TSPEAR: variants seen among roughly 807,000 people sequenced by gnomAD.
TSPEAR encodes the protein thrombospondin type laminin G domain and EAR repeats.
In TSPEAR, 69 loss-of-function variants were observed where a neutral mutation model predicts 71.6. That is an observed-to-expected ratio of 0.96 (90% CI 0.79 to 1.18). The LOEUF (loss-of-function observed/expected upper bound fraction) is 1.18. Ranked by LOEUF, TSPEAR falls within the 50% of genes most tolerant of loss-of-function variation. The pLI is 0.00. For synonymous variants in TSPEAR, 402 were observed against 387.2 expected (o/e 1.04, Z -0.45); for missense variants, 971 against 894.9 (o/e 1.09, Z -1.09).
chr21:44,680,072 A>C (rs150311173), intron 1 of TSPEAR, among the ~76,000 whole-genome samples: 1,722 of 152,360 alleles, frequency 0.011, 10 homozygotes, highest in Non-Finnish European at 0.02. Context: ...TGCACAGCAA[A>C]CGGAACAATC....
intron 2 of TSPEAR, among the ~76,000 whole-genome samples, chr21:44,563,025 G>A (rs587750264): frequency 9.5e-4 from 144 of 152,194 alleles, no homozygotes; most frequent in African/African-American, 3.3e-3. Context: ...AATATAAAAA[G>A]GTATATTTGG....
At position 44,681,915 on chromosome 21, in the gene TSPEAR, C is replaced by T. The variant is rs782578785; in HGVS notation, c.82+29518G>A. 2.5e-6 allele frequency: 4 copies of T among 1,614,112 alleles called. No individual in the cohort carries two copies. The highest frequency in any genetic ancestry group is 3.3e-4 in the Middle Eastern group (2 of 6,062). On this transcript the variant is annotated intron_variant, in intron 1 of 11. Transcript: ENST00000323084. ...AGGCTGGCAGCACCCAGAGGACTGG[C>T]AGGAGGGAGCCGCATACACGACGGG...
Position 44,506,858 on chromosome 21 carries a change from A to G in TSPEAR, c.1755-1977T>C, listed in dbSNP as rs1183751925. ...GTCCGGCTGCACCGAGGCTCACATC[A>G]GAAGCCGGCTTCGGTTTCACCACAA... On this transcript the variant is annotated intron_variant, in intron 10 of 11. Transcript: ENST00000323084. This position sits in a 1 kb window ranked among gnomAD's most constrained non-coding sequence, Gnocchi z 4.2. 1 of 152,188 alleles carries G rather than the reference A, an allele frequency of 6.6e-6. No individual in the cohort carries two copies. The highest frequency in any genetic ancestry group is 2.4e-5 in the African/African-American group (1 of 41,442). 9.4% of individuals were successfully genotyped at this position (152,188 alleles called of 1,614,324 possible).
chr21:44,702,376 G>A (rs1987693027), intron 1 of TSPEAR: 1 of 619,218 alleles, frequency 1.6e-6, no homozygotes, highest in Non-Finnish European at 2.2e-6. Flanking sequence ...CTGCCAGGCA[G>A]CCTGTGAGCC....
At position 44,591,637 on chromosome 21, in the gene TSPEAR, C is replaced by G. The variant is rs782406979; in HGVS notation, c.83-23632G>C. Reference sequence around the variant, plus strand: ...AGCCGGCTGGCAGCTAGACTGCTGGCAGCATGATGTGGAAGCCCCAGAGCA... The same window carrying G: ...AGCCGGCTGGCAGCTAGACTGCTGGGAGCATGATGTGGAAGCCCCAGAGCA... On this transcript the variant is annotated intron_variant, in intron 1 of 11. Coordinates refer to ENST00000323084, the MANE Select transcript of TSPEAR (RefSeq NM_144991.3). 1.4e-5 allele frequency: 22 copies of G among 1,613,528 alleles called. No homozygotes were observed. Among genetic ancestry groups the G allele is most frequent in the Non-Finnish European group, 1.9e-5 (22 of 1,179,820 alleles).
At chr21:44,514,314 C>T (rs587675747) in intron 9 of TSPEAR, among the ~76,000 whole-genome samples, 40 of 152,344 alleles carry the variant, frequency 2.6e-4, no homozygotes, top group African/African-American at 9.1e-4. Context: ...GTGGCCCCCA[C>T]TGTATCCTTG....
At chr21:44,583,262 G>A (rs587722826) in intron 1 of TSPEAR, among the ~76,000 whole-genome samples, 1 of 152,348 alleles carries the variant, frequency 6.6e-6, no homozygotes, top group South Asian at 2.1e-4. Context: ...AGTCTGGAGG[G>A]CAGGGTGGCC....
At chr21:44,707,312 T>C (rs1298813869) in intron 1 of TSPEAR, among the ~76,000 whole-genome samples, 1 of 100,492 alleles carries the variant, frequency 1.0e-5, no homozygotes, top group African/African-American at 3.8e-5. Context: ...TGGGGGGGGG[T>C]GCGGGGAGAG....
chr21:44,600,807 T>C lies in TSPEAR; in HGVS notation c.83-32802A>G, dbSNP rs1980778998. The C allele has an allele frequency of 3.4e-5, 54 of 1,599,452 alleles. 3 individuals carry two copies. Among genetic ancestry groups the C allele is most frequent in the Non-Finnish European group, 4.6e-5 (54 of 1,176,350 alleles). On this transcript the variant is annotated intron_variant, in intron 1 of 11. Transcript: ENST00000323084. ...GCCTGGTCTGCACCCCAGTGAGCTA[T>C]GTGTCCAGCCCCTGCTGCCGAGTGA...
At chr21:44,590,855 G>C (rs895744698) in intron 1 of TSPEAR, among the ~76,000 whole-genome samples, 3 of 151,988 alleles carry the variant, frequency 2.0e-5, no homozygotes, top group Non-Finnish European at 4.4e-5. Flanking sequence ...GGGGGGCCAT[G>C]TGCTGGGGTT....
At chr21:44,689,708 A>AATATATAT (rs1987028363) in intron 1 of TSPEAR, among the ~76,000 whole-genome samples, 1 of 38,488 alleles carries the variant, frequency 2.6e-5, no homozygotes, top group Non-Finnish European at 4.9e-5. Flanking sequence ...GACAGAATAG[A>AATATATAT]ATGAATATAT....
intron 1 of TSPEAR, among the ~76,000 whole-genome samples, chr21:44,577,013 G>A (rs1347219590): frequency 2.0e-5 from 3 of 152,112 alleles, no homozygotes; most frequent in Non-Finnish European, 2.9e-5. Context: ...CACATACTTG[G>A]AAATTAAATA....
Position 44,533,712 on chromosome 21 carries a change from G to C in TSPEAR, c.515C>G (p.Thr172Ser). ...GTCCACCGGGAGGCCGCAGTCCGTG[G>C]TGAGGGAGAAGACGCCTGCGGACAC... Reference protein sequence around the residue: ...LAVSAGVFSLTTDCGLPVDIM... With the variant: ...LAVSAGVFSLSTDCGLPVDIM... The change falls in exon 3 of 12, where the codon ACC (threonine) becomes AGC (serine). Residue 172 changes from threonine (T) to serine (S), a missense_variant. Physicochemically the swap from Thr to Ser is moderately conservative, Grantham distance 58 (BLOSUM62 1). Transcript: ENST00000323084. 6.2e-7 allele frequency: 1 copy of C among 1,611,032 alleles called. No homozygotes were observed. The highest frequency in any genetic ancestry group is 8.5e-7 in the Non-Finnish European group (1 of 1,178,970).
intron 1 of TSPEAR, among the ~76,000 whole-genome samples, chr21:44,614,306 G>A (rs587698448): frequency 1.2e-3 from 185 of 152,368 alleles, no homozygotes; most frequent in Non-Finnish European, 1.7e-3. Flanking sequence ...GGCCTGTGCC[G>A]TGCACTTTGC....
At chr21:44,589,584 G>A (rs1017625778) in intron 1 of TSPEAR, among the ~76,000 whole-genome samples, 2 of 152,202 alleles carry the variant, frequency 1.3e-5, no homozygotes, top group Non-Finnish European at 2.9e-5. Flanking sequence ...GCTTTCACTA[G>A]GAGTTGAAGC....
chr21:44,525,197 T>C (rs1175219836), intron 8 of TSPEAR, among the ~76,000 whole-genome samples: 2 of 151,854 alleles, frequency 1.3e-5, no homozygotes, highest in African/African-American at 4.8e-5. Context: ...CAGTCTGTGA[T>C]GTAGTTGGTC....
chr21:44,579,634 GA>G lies in TSPEAR; in HGVS notation c.83-11630del, dbSNP rs1471207247. The G allele has an allele frequency of 3.4e-5, 40 of 1,170,308 alleles. No homozygotes were observed. The East Asian group carries it at 5.3e-4, about 16-fold the overall frequency. The allele number at this position is 1,170,308 out of a possible 1,614,324, so 72.5% of individuals were successfully genotyped here. On this transcript the variant is annotated intron_variant, in intron 1 of 11. Transcript: ENST00000323084. ...GAGGATGGAGATTCCTGGGAGTATG[GA>G]GGGGGGGGTCACCTCAGCACATGGG... is the stretch of plus-strand genomic sequence containing the variant.
chr21:44,591,912 A>C lies in TSPEAR; in HGVS notation c.83-23907T>G, dbSNP rs781839055. The C allele has an allele frequency of 7.5e-6, 12 of 1,607,052 alleles. No individual in the cohort carries two copies. In the South Asian group the frequency reaches 1.3e-4, roughly 18 times the overall value. ...AGCCTGATTGGCAGGGGCTGGGCTC[A>C]CAGACCGCCTGGCAGCAGGGGCTGG... On this transcript the variant is annotated intron_variant, in intron 1 of 11. Coordinates refer to ENST00000323084, the MANE Select transcript of TSPEAR (RefSeq NM_144991.3).
At chr21:44,517,925 A>G (rs1440058210) in intron 9 of TSPEAR, 1 of 465,548 alleles carries the variant, frequency 2.1e-6, no homozygotes, top group Non-Finnish European at 4.5e-6. Context: ...TTCTCTGACA[A>G]TTCCATCACT....
Sources: gnomAD v4.1 joint callset for allele counts (sites outside exome capture counted in the v4.1 genomes callset) on GRCh38, gnomAD v4.1.1 for gene constraint, Gnocchi (gnomAD v3.1) non-coding constraint, MANE v1.5 for transcripts, NCBI Gene and HGNC (gene_info 2026-07-23, HGNC 2026-07-21) for gene names.